The following OSBP2 variants were observed in gnomAD, a reference collection of about 807,000 sequenced individuals.
OSBP2 encodes the protein oxysterol binding protein 2.
Under a neutral mutation model 96.0 loss-of-function variants are expected in OSBP2, and 66 were observed. The observed-to-expected ratio is 0.69, with a 90% CI of 0.56 to 0.84. OSBP2 has a LOEUF of 0.84. Ranked by LOEUF, OSBP2 falls within the 40% of genes least tolerant of loss-of-function variation. The probability of loss-of-function intolerance (pLI) is 0.00; values close to 1 mark genes in which losing one functional copy is unlikely to be tolerated. For synonymous variants in OSBP2, 525 were observed against 520.9 expected (o/e 1.01, Z -0.11); for missense variants, 1,038 against 1,222.7 (o/e 0.85, Z 2.25).
At chr22:30,737,752 G>T (rs907181629) in intron 1 of OSBP2, among the ~76,000 whole-genome samples, 138 of 151,202 alleles carry the variant, frequency 9.1e-4, no homozygotes, top group African/African-American at 3.2e-3. Context: ...TCGCTCTGTT[G>T]CCCAGGCTGG....
chr22:30,822,762 C>A, intron 2 of OSBP2: 1 of 1,432,660 alleles, frequency 7.0e-7, no homozygotes, highest in Non-Finnish European at 9.4e-7. Context: ...CCCGCGCATG[C>A]ACGCCCGGTG....
At chr22:30,835,132 C>T (rs2038605961) in intron 2 of OSBP2, among the ~76,000 whole-genome samples, 1 of 152,056 alleles carries the variant, frequency 6.6e-6, no homozygotes, top group Admixed American at 6.6e-5. Context: ...GTATCACTTG[C>T]AGCACAAAAT....
At position 30,890,872 on chromosome 22, in the gene OSBP2, A is replaced by G; in HGVS notation, c.1768A>G (p.Thr590Ala). The change falls in exon 8 of 14, where the codon ACC (threonine) becomes GCC (alanine). Residue 590 changes from threonine (T) to alanine (A), a missense_variant. Transcript: ENST00000332585. This position sits in a 1 kb window ranked among gnomAD's most constrained non-coding sequence, Gnocchi z 4.4. ...CGCCTTCTCTGTGTCCTCCTACTCC[A>G]CCACAGTGCACCGCATCGCCAAGCC... ...VAAFSVSSYS[T>A]TVHRIAKPFN... 6.2e-7 allele frequency: 1 copy of G among 1,613,692 alleles called. No individual in the cohort carries two copies. The highest frequency in any genetic ancestry group is 8.5e-7 in the Non-Finnish European group (1 of 1,180,012).
At chr22:30,705,418 C>T (rs755245977) in intron 1 of OSBP2, among the ~76,000 whole-genome samples, 25 of 152,016 alleles carry the variant, frequency 1.6e-4, no homozygotes, top group Admixed American at 9.2e-4. Context: ...CTCAGCCTCT[C>T]GAGTAGCTGG....
At chr22:30,868,906 A>G (rs1033384035) in intron 2 of OSBP2, among the ~76,000 whole-genome samples, 5 of 152,268 alleles carry the variant, frequency 3.3e-5, no homozygotes, top group Non-Finnish European at 7.3e-5. Context: ...ATTTTTCAAA[A>G]AAAGTCTTAT....
intron 2 of OSBP2, among the ~76,000 whole-genome samples, chr22:30,749,591 A>G (rs1261312691): frequency 6.6e-6 from 1 of 152,134 alleles, no homozygotes; most frequent in Non-Finnish European, 1.5e-5. Flanking sequence ...ATGAAGCCAC[A>G]GACTCGTTTC....
intron 1 of OSBP2, among the ~76,000 whole-genome samples, chr22:30,737,735 T>C (rs1259270407): frequency 6.6e-6 from 1 of 151,480 alleles, no homozygotes; most frequent in African/African-American, 2.4e-5. Context: ...TTTTTTGAGA[T>C]GGAGTCTCGC....
chr22:30,746,831 C>T (rs955435577), intron 2 of OSBP2, among the ~76,000 whole-genome samples: 2 of 152,022 alleles, frequency 1.3e-5, no homozygotes, highest in African/African-American at 4.8e-5. Flanking sequence ...ATGAGGCCAG[C>T]CCTGATACCT....
intron 2 of OSBP2, among the ~76,000 whole-genome samples, chr22:30,860,953 A>G (rs1470234209): frequency 6.6e-6 from 1 of 152,136 alleles, no homozygotes; most frequent in Admixed American, 6.5e-5. Flanking sequence ...CGAGCGAAGT[A>G]TGCAGCTCTA....
chr22:30,810,381 A>G (rs920365796), intron 2 of OSBP2, among the ~76,000 whole-genome samples: 1 of 152,100 alleles, frequency 6.6e-6, no homozygotes, highest in Admixed American at 6.5e-5. Flanking sequence ...TTCTGTGTAC[A>G]CTTGCTTATG....
chr22:30,857,976 C>T (rs1444867727), intron 2 of OSBP2, among the ~76,000 whole-genome samples: 1 of 152,236 alleles, frequency 6.6e-6, no homozygotes, highest in African/African-American at 2.4e-5. Flanking sequence ...GCCCACTACA[C>T]TGCAGACAGA....
chr22:30,774,138 T>C (rs1022763035), intron 2 of OSBP2, among the ~76,000 whole-genome samples: 2 of 152,118 alleles, frequency 1.3e-5, no homozygotes, highest in Non-Finnish European at 2.9e-5. Context: ...AGGCTTGGAC[T>C]CCCCAGGGGG....
intron 2 of OSBP2, among the ~76,000 whole-genome samples, chr22:30,835,172 T>G (rs1321198524): frequency 1.3e-5 from 2 of 152,184 alleles, no homozygotes; most frequent in African/African-American, 4.8e-5. Context: ...TTTATCTATT[T>G]TTTTTGTTTT....
chr22:30,775,611 T>A (rs1470148645), intron 2 of OSBP2, among the ~76,000 whole-genome samples: 2 of 152,128 alleles, frequency 1.3e-5, no homozygotes, highest in African/African-American at 4.8e-5. Flanking sequence ...AGAGTGAGAC[T>A]CTGTCTCAAA....
At chr22:30,828,868 A>G (rs1245877781) in intron 2 of OSBP2, among the ~76,000 whole-genome samples, 1 of 152,154 alleles carries the variant, frequency 6.6e-6, no homozygotes, top group Non-Finnish European at 1.5e-5. Flanking sequence ...AACAGGCTTC[A>G]TGCCAACCCT....
intron 1 of OSBP2, among the ~76,000 whole-genome samples, chr22:30,707,648 C>T (rs1408652327): frequency 3.3e-5 from 5 of 149,800 alleles, no homozygotes; most frequent in Non-Finnish European, 5.9e-5. Flanking sequence ...ACCCGGGTGG[C>T]GGAGCTTGCA....
chr22:30,858,130 TGTTTGTTTGTTTG>T (rs1342530029), intron 2 of OSBP2, among the ~76,000 whole-genome samples: 19,358 of 132,582 alleles, frequency 0.15, 2,141 homozygotes, highest in East Asian at 0.2. Flanking sequence ...GTTTTTTTTT[TGTTTGTTTGTTTG>T]TTTGTTTGTT....
intron 1 of OSBP2, among the ~76,000 whole-genome samples, chr22:30,718,501 A>C (rs2089497284): frequency 6.6e-6 from 1 of 152,212 alleles, no homozygotes; most frequent in Non-Finnish European, 1.5e-5. Context: ...TATGCTTGGC[A>C]CTGGGCTTGG....
At chr22:30,757,606 C>T (rs2090157670) in intron 2 of OSBP2, among the ~76,000 whole-genome samples, 1 of 151,938 alleles carries the variant, frequency 6.6e-6, no homozygotes, top group South Asian at 2.1e-4. Flanking sequence ...TCGGTAGAGA[C>T]AGGGTTCCAC....
Sources: gnomAD v4.1 joint callset for allele counts (sites outside exome capture counted in the v4.1 genomes callset) on GRCh38, gnomAD v4.1.1 for gene constraint, Gnocchi (gnomAD v3.1) non-coding constraint, MANE v1.5 for transcripts, NCBI Gene and HGNC (gene_info 2026-07-23, HGNC 2026-07-21) for gene names.